Variants in CHODL observed in about 807,000 individuals in gnomAD.
CHODL encodes chondrolectin.
CHODL carries 29 observed loss-of-function variants against 34.5 expected under a neutral mutation model. The observed-to-expected ratio is 0.84, with a 90% confidence interval of 0.63 to 1.15. The LOEUF (loss-of-function observed/expected upper bound fraction) is 1.15. Among genes scored for constraint, CHODL ranks in the 50% most tolerant of loss-of-function variants. The pLI, the probability that CHODL is intolerant of heterozygous loss-of-function variation, is 0.00. For missense variants in CHODL, 332 were observed against 332.5 expected (o/e 1.00, Z 0.01); for synonymous variants, 125 against 116.1 (o/e 1.08, Z -0.49).
chr21:18,028,266 T>TC, intron 2 of CHODL, among the ~76,000 whole-genome samples: 1 of 44,306 alleles, frequency 2.3e-5, no homozygotes, highest in African/African-American at 1.2e-4. Flanking sequence ...TTCTTTTTCT[T>TC]TTTCCTTTTC....
chr21:18,040,896 G>T (rs1288241604), intron 2 of CHODL, among the ~76,000 whole-genome samples: 2 of 151,612 alleles, frequency 1.3e-5, no homozygotes, highest in African/African-American at 2.4e-5. Flanking sequence ...TCCCTTGATT[G>T]TATTGGTAAT....
intron 2 of CHODL, among the ~76,000 whole-genome samples, chr21:18,044,092 T>C (rs917098734): frequency 6.6e-6 from 1 of 152,018 alleles, no homozygotes; most frequent in Non-Finnish European, 1.5e-5. Flanking sequence ...TTCCTTTCAG[T>C]CCTTTTGAAT....
intron 2 of CHODL, among the ~76,000 whole-genome samples, chr21:18,175,284 G>A (rs2073292037): frequency 6.6e-6 from 1 of 152,088 alleles, no homozygotes; most frequent in Admixed American, 6.5e-5. Context: ...CATTCATTTG[G>A]CAAATATTTT....
chr21:18,147,948 G>A (rs118000165), intron 2 of CHODL, among the ~76,000 whole-genome samples: 1 of 152,188 alleles, frequency 6.6e-6, no homozygotes, highest in Non-Finnish European at 1.5e-5. Flanking sequence ...TGGTTTAGGG[G>A]TAATTGTACA....
intron 2 of CHODL, among the ~76,000 whole-genome samples, chr21:18,165,177 G>C (rs574339459): frequency 2.6e-5 from 4 of 152,108 alleles, no homozygotes; most frequent in East Asian, 1.9e-4. Context: ...ATTGACAATC[G>C]TCATTTGGGA....
intron 2 of CHODL, among the ~76,000 whole-genome samples, chr21:18,163,796 G>GA (rs60861169): frequency 0.47 from 70,670 of 151,000 alleles, 18,032 homozygotes; most frequent in Middle Eastern, 0.61. Context: ...GGTTTTCTGT[G>GA]TTAAAAAAAA....
chr21:18,017,998 G>T (rs2064091701), intron 1 of CHODL, among the ~76,000 whole-genome samples: 1 of 152,226 alleles, frequency 6.6e-6, no homozygotes, highest in East Asian at 1.9e-4. Flanking sequence ...TTTAATGGCT[G>T]CCCTGCTGGG....
intron 1 of CHODL, among the ~76,000 whole-genome samples, chr21:18,250,660 T>A (rs1029159922): frequency 8.2e-4 from 125 of 152,104 alleles, no homozygotes; most frequent in African/African-American, 3.0e-3. Context: ...TCTTTTTAGT[T>A]CAAAAGTGTT....
intron 2 of CHODL, among the ~76,000 whole-genome samples, chr21:18,206,482 G>A (rs1343017494): frequency 1.3e-5 from 2 of 151,746 alleles, no homozygotes; most frequent in Non-Finnish European, 2.9e-5. Context: ...TTCCACTTGT[G>A]TGAAATACCT....
chr21:17,945,114 A>G (rs1313294549), intron 1 of CHODL, among the ~76,000 whole-genome samples: 1 of 151,470 alleles, frequency 6.6e-6, no homozygotes, highest in Non-Finnish European at 1.5e-5. Flanking sequence ...CGGGAGGCTG[A>G]GGTAGGAGAA....
intron 2 of CHODL, among the ~76,000 whole-genome samples, chr21:18,176,594 T>C (rs2073317206): frequency 6.6e-6 from 1 of 152,212 alleles, no homozygotes. Flanking sequence ...TTTTGAAGCT[T>C]GTTTATCTAA....
intron 1 of CHODL, among the ~76,000 whole-genome samples, chr21:18,246,220 C>T (rs1441061800): frequency 1.3e-5 from 2 of 152,186 alleles, no homozygotes; most frequent in East Asian, 3.9e-4. Context: ...ATTGAAATCT[C>T]TTACTATGCT....
upstream of CHODL, among the ~76,000 whole-genome samples, chr21:18,241,739 G>T (rs1031304069): frequency 1.3e-5 from 2 of 152,144 alleles, no homozygotes; most frequent in African/African-American, 4.8e-5. Context: ...ATATATTTGG[G>T]ATATTATATA....
intron 1 of CHODL, among the ~76,000 whole-genome samples, chr21:17,931,951 A>G (rs2063276998): frequency 6.6e-6 from 1 of 152,214 alleles, no homozygotes; most frequent in East Asian, 1.9e-4. Context: ...AAAATAGACA[A>G]ATGGGACTTA....
intron 5 of CHODL, among the ~76,000 whole-genome samples, chr21:18,263,351 C>T (rs963771969): frequency 6.6e-6 from 1 of 152,090 alleles, no homozygotes; most frequent in Non-Finnish European, 1.5e-5. Flanking sequence ...ATTCAAGTCA[C>T]AGGTTTCTGT....
chr21:18,247,182 T>G (rs763637675), intron 1 of CHODL, among the ~76,000 whole-genome samples: 11 of 152,162 alleles, frequency 7.2e-5, no homozygotes, highest in African/African-American at 1.2e-4. Context: ...CAATAGTTTC[T>G]AATGGATCTA....
At chr21:18,030,211 C>T (rs544341050) in intron 2 of CHODL, among the ~76,000 whole-genome samples, 7 of 152,252 alleles carry the variant, frequency 4.6e-5, no homozygotes, top group Non-Finnish European at 4.4e-5. Context: ...CATCGGTGTA[C>T]GCATTCTCTT....
chr21:18,024,592 G>A (rs558402570), intron 1 of CHODL: 2 of 152,298 alleles, frequency 1.3e-5, no homozygotes, highest in South Asian at 4.1e-4. Context: ...GTCTATGGAT[G>A]GCACTTTTCT....
At chr21:18,246,047 A>AT (rs1485740238) in intron 1 of CHODL, 3 of 1,012,040 alleles carry the variant, frequency 3.0e-6, no homozygotes, top group Non-Finnish European at 4.5e-6. Flanking sequence ...GTTGTCTTTG[A>AT]TTTTTCTTTT....
Sources: allele counts gnomAD v4.1 joint callset (sites outside exome capture counted in the v4.1 genomes callset), GRCh38; gene constraint gnomAD v4.1.1; transcripts MANE v1.5; gene names NCBI Gene and HGNC (gene_info 2026-07-23, HGNC 2026-07-21).